DTWD2: variants seen among roughly 807,000 people sequenced by gnomAD.
The protein encoded by DTWD2 is tRNA-uridine aminocarboxypropyltransferase 2.
A neutral mutation model predicts 31.8 loss-of-function variants in DTWD2; 39 were observed. That is an observed-to-expected ratio of 1.22 (90% CI 0.95 to 1.60). DTWD2 has a LOEUF of 1.60. DTWD2 is among the 40% of genes most tolerant of loss of function. DTWD2 has a pLI of 0.00. For missense variants in DTWD2, 515 were observed against 381.5 expected (o/e 1.35, Z -2.92); for synonymous variants, 180 against 142.8 (o/e 1.26, Z -1.86).
At chr5:118,960,329 T>C (rs934208585) in intron 1 of DTWD2, among the ~76,000 whole-genome samples, 8 of 152,104 alleles carry the variant, frequency 5.3e-5, no homozygotes, top group African/African-American at 1.9e-4. Context: ...GAAAAAATGC[T>C]CAACATCACT....
chr5:118,901,575 A>C (rs1207923585), intron 4 of DTWD2, among the ~76,000 whole-genome samples: 1 of 152,192 alleles, frequency 6.6e-6, no homozygotes, highest in East Asian at 1.9e-4. Context: ...ATATTAGAGT[A>C]TACCACATGG....
chr5:118,949,334 A>T (rs2149588031), intron 1 of DTWD2, among the ~76,000 whole-genome samples: 2 of 152,236 alleles, frequency 1.3e-5, no homozygotes, highest in Middle Eastern at 6.8e-3. Flanking sequence ...AAGCAAAGAG[A>T]GGCTGGGATG....
intron 4 of DTWD2, among the ~76,000 whole-genome samples, chr5:118,915,673 C>T (rs569638149): frequency 1.5e-4 from 23 of 152,310 alleles, no homozygotes; most frequent in African/African-American, 5.3e-4. Flanking sequence ...TACGCCCGGC[C>T]TAATCTTTGA....
At position 118,848,193 on chromosome 5, in the gene DTWD2, C is replaced by G; in HGVS notation, c.623G>C (p.Ser208Thr). ...CGGCTGCATCCGAATTACATACTGA[C>G]TAGAAATGCTAGTTTTTAATTGCAC... is the stretch of plus-strand genomic sequence containing the variant. ...KQVQLKTSIS[S>T]QYVIRMQPTN... Residue 208 changes from serine (S) to threonine (T), a missense_variant, in exon 5 of 6, where the codon AGT becomes ACT. Transcript: ENST00000510708. 1.2e-6 allele frequency: 2 copies of G among 1,601,066 alleles called. No homozygotes were observed. The highest frequency in any genetic ancestry group is 1.3e-5 in the African/African-American group (1 of 74,372).
chr5:118,854,264 T>C (rs1223876760), intron 4 of DTWD2, among the ~76,000 whole-genome samples: 1 of 152,160 alleles, frequency 6.6e-6, no homozygotes, highest in Non-Finnish European at 1.5e-5. Flanking sequence ...GTCATGCTTA[T>C]CTAATCCTTT....
chr5:118,923,047 T>C (rs934241760), intron 4 of DTWD2, among the ~76,000 whole-genome samples: 8 of 152,152 alleles, frequency 5.3e-5, no homozygotes, highest in Non-Finnish European at 2.9e-5. Flanking sequence ...TTTTTTTTAA[T>C]AGGCAATTTA....
chr5:118,959,623 C>G (rs1221885554), intron 1 of DTWD2, among the ~76,000 whole-genome samples: 1 of 152,064 alleles, frequency 6.6e-6, no homozygotes, highest in East Asian at 1.9e-4. Context: ...TCATATGGAA[C>G]CAAAAAAGAG....
chr5:118,841,220 G>A (rs1223300418), intron 5 of DTWD2, 133 bp from the exon 6 acceptor site: 2 of 881,594 alleles, frequency 2.3e-6, no homozygotes, highest in African/African-American at 1.7e-5. Context: ...GAAACACTAG[G>A]CACTCTGATA....
chr5:118,975,095 C>G (rs1217985084), intron 1 of DTWD2, among the ~76,000 whole-genome samples: 1 of 152,172 alleles, frequency 6.6e-6, no homozygotes, highest in Non-Finnish European at 1.5e-5. Flanking sequence ...GGGAAGTTCT[C>G]CTGGATAATA....
chr5:118,923,500 T>G (rs1357686352), intron 4 of DTWD2, among the ~76,000 whole-genome samples: 1 of 152,134 alleles, frequency 6.6e-6, no homozygotes, highest in Non-Finnish European at 1.5e-5. Context: ...ACACACTGCA[T>G]GAGCTCCAAG....
chr5:118,937,446 G>C (rs1423846803), intron 3 of DTWD2, among the ~76,000 whole-genome samples: 3 of 151,394 alleles, frequency 2.0e-5, no homozygotes, highest in African/African-American at 7.3e-5. Flanking sequence ...TGTTGCCTTG[G>C]CATCCATTTT....
intron 4 of DTWD2, among the ~76,000 whole-genome samples, chr5:118,873,939 C>A (rs1752565425): frequency 6.6e-6 from 1 of 152,188 alleles, no homozygotes; most frequent in South Asian, 2.1e-4. Context: ...GAGGCAGGCA[C>A]CCCTGCATCC....
intron 4 of DTWD2, among the ~76,000 whole-genome samples, chr5:118,925,437 G>A (rs190010149): frequency 6.6e-6 from 1 of 152,246 alleles, no homozygotes; most frequent in African/African-American, 2.4e-5. Context: ...AAAATAGCGT[G>A]GCTAATGCTC....
At chr5:118,945,354 T>C (rs188112897) in intron 1 of DTWD2, among the ~76,000 whole-genome samples, 74 of 152,340 alleles carry the variant, frequency 4.9e-4, no homozygotes, top group African/African-American at 1.7e-3. Context: ...CAGCCTACAG[T>C]ATTCTCTTCC....
At chr5:118,950,805 A>C (rs756570614) in intron 1 of DTWD2, among the ~76,000 whole-genome samples, 1 of 152,168 alleles carries the variant, frequency 6.6e-6, no homozygotes, top group Non-Finnish European at 1.5e-5. Context: ...TCAGAAATAC[A>C]TTGCTGCTTG....
intron 4 of DTWD2, among the ~76,000 whole-genome samples, chr5:118,849,176 C>G (rs908945872): frequency 6.6e-6 from 1 of 151,888 alleles, no homozygotes; most frequent in South Asian, 2.1e-4. Flanking sequence ...CACAAATTTA[C>G]GAGAAAAAAG....
At chr5:118,894,931 T>G (rs1189315586) in intron 4 of DTWD2, among the ~76,000 whole-genome samples, 1 of 152,128 alleles carries the variant, frequency 6.6e-6, no homozygotes, top group African/African-American at 2.4e-5. Flanking sequence ...CTGAAAGCCT[T>G]TCCAGTAAGA....
At chr5:118,902,024 G>A (rs927322936) in intron 4 of DTWD2, among the ~76,000 whole-genome samples, 1 of 151,908 alleles carries the variant, frequency 6.6e-6, no homozygotes, top group Non-Finnish European at 1.5e-5. Context: ...TAAGTATTTT[G>A]AACAATTTAC....
intron 4 of DTWD2, among the ~76,000 whole-genome samples, chr5:118,880,608 T>G (rs1409393325): frequency 6.6e-6 from 1 of 152,182 alleles, no homozygotes; most frequent in East Asian, 1.9e-4. Context: ...TATACTAAAA[T>G]GCATTTAAAT....
Sources: gnomAD v4.1 joint callset for allele counts (sites outside exome capture counted in the v4.1 genomes callset) on GRCh38, gnomAD v4.1.1 for gene constraint, MANE v1.5 for transcripts, NCBI Gene and HGNC (gene_info 2026-07-23, HGNC 2026-07-21) for gene names.